DYNLL2: variants seen among roughly 807,000 people sequenced by gnomAD.
DYNLL2 encodes dynein light chain 2, cytoplasmic.
Under a neutral mutation model 9.7 loss-of-function variants are expected in DYNLL2, and 1 was observed. The observed-to-expected ratio is 0.10, with a 90% CI of 0.04 to 0.49. The LOEUF is 0.49. Among genes scored for constraint, DYNLL2 ranks in the 20% least tolerant of loss-of-function variants. The pLI, the probability that DYNLL2 is intolerant of heterozygous loss-of-function variation, is 0.95. For synonymous variants in DYNLL2, 35 were observed against 40.5 expected (o/e 0.86, Z 0.52); for missense variants, 37 against 115.2 (o/e 0.32, Z 3.11).
intron 1 of DYNLL2, among the ~76,000 whole-genome samples, chr17:58,086,357 A>G (rs2075760016): frequency 1.3e-5 from 2 of 152,216 alleles, no homozygotes; most frequent in African/African-American, 4.8e-5. Flanking sequence ...GCAACACTTT[A>G]TTTTACAAAA....
At chr17:58,089,002 G>A in intron 2 of DYNLL2, 140 bp from the exon 3 acceptor site, 1 of 997,976 alleles carries the variant, frequency 1.0e-6, no homozygotes, top group East Asian at 2.5e-5. Flanking sequence ...GAGGTTCGGG[G>A]AGCTGAGGCT....
rs1313058607 is a variant in DYNLL2, at chr17:58,089,347, T to C, written c.*68T>C. The C allele has an allele frequency of 4.4e-6, 7 of 1,581,044 alleles. No individual in the cohort carries two copies. The highest frequency in any genetic ancestry group is 6.0e-6 in the Non-Finnish European group (7 of 1,159,960). On this transcript the variant is annotated 3_prime_UTR_variant, in exon 3 of 3. Coordinates refer to ENST00000579991, the MANE Select transcript of DYNLL2 (RefSeq NM_080677.3). ...AGCAGGCGGCGTTGCTGGGACTGTT[T>C]TGCACTGGAGCCAGCATCAGGATGT... is the stretch of plus-strand genomic sequence containing the variant.
rs2143604019 is a variant in DYNLL2 at position 58,093,277 on chromosome 17, A to G, written c.*3998A>G. On this transcript the variant is annotated 3_prime_UTR_variant, in exon 3 of 3. Coordinates refer to ENST00000579991, the MANE Select transcript of DYNLL2 (RefSeq NM_080677.3). The stretch of plus-strand genomic sequence containing the variant: ...AAGCCTTGCCACCTTGAAAGGCGTG[A>G]GAGGGTCACTCCCAGGTGTATTCAA... The G allele has an allele frequency of 6.6e-6, 1 of 152,330 alleles. No homozygotes were observed. Among genetic ancestry groups the G allele is most frequent in the Non-Finnish European group, 1.5e-5 (1 of 68,032 alleles). The allele number at this position is 152,330 out of a possible 1,614,324, so 9.4% of individuals were successfully genotyped here.
intron 2 of DYNLL2, among the ~76,000 whole-genome samples, chr17:58,087,544 C>T (rs1322640237): frequency 2.0e-5 from 3 of 152,048 alleles, no homozygotes; most frequent in African/African-American, 7.2e-5. Context: ...TGGCCCAGTT[C>T]AGAACTATTC....
chr17:58,087,638 T>G (rs2075765085), intron 2 of DYNLL2, among the ~76,000 whole-genome samples: 1 of 152,230 alleles, frequency 6.6e-6, no homozygotes, highest in Admixed American at 6.5e-5. Flanking sequence ...ATGCCTGTAA[T>G]AATCCTCATC....
intron 2 of DYNLL2, 23 bp downstream of exon 2, chr17:58,087,245 G>T: frequency 6.2e-7 from 1 of 1,611,772 alleles, no homozygotes. Flanking sequence ...AGCTGGGACT[G>T]ATGGCCAGGG....
chr17:58,087,906 C>T (rs369998426), intron 2 of DYNLL2, among the ~76,000 whole-genome samples: 2 of 152,280 alleles, frequency 1.3e-5, no homozygotes, highest in Admixed American at 6.5e-5. Flanking sequence ...AGTCAGGATC[C>T]ATATCCATTG....
rs182607360 is a variant in DYNLL2 at position 58,084,146 on chromosome 17, C to T, written c.-10+463C>T. On this transcript the variant is annotated intron_variant, in intron 1 of 2. Transcript: ENST00000579991. ...CTGTTCCAGGCCGGGTGGGGGAGGGCGGCCGACCGGCCGGGGCCTGCGGAC... is the reference window on the plus strand; with the variant it reads ...CTGTTCCAGGCCGGGTGGGGGAGGGTGGCCGACCGGCCGGGGCCTGCGGAC... Among the ~76,000 whole-genome samples the T allele has an allele frequency of 4.3e-3, 651 of 150,694 alleles. 1 individual carries two copies. The highest frequency in any genetic ancestry group is 7.6e-3 in the Non-Finnish European group (515 of 67,530).
chr17:58,085,827 A>G (rs1339623852), intron 1 of DYNLL2, among the ~76,000 whole-genome samples: 1 of 152,178 alleles, frequency 6.6e-6, no homozygotes, highest in African/African-American at 2.4e-5. Context: ...TAGGGGAAGG[A>G]AGGCTTCAGC....
In DYNLL2 at chr17:58,090,724, G is replaced by A. The variant is rs1448134379; in HGVS notation, c.*1445G>A. The A allele has an allele frequency of 1.4e-5, 2 of 138,026 alleles. No homozygotes were observed. Among genetic ancestry groups the A allele is most frequent in the East Asian group, 5.0e-4 (2 of 4,004 alleles). The allele number at this position is 138,026 out of a possible 1,614,324, so 8.6% of individuals were successfully genotyped here. On this transcript the variant is annotated 3_prime_UTR_variant, in exon 3 of 3. Transcript: ENST00000579991. ...CTGAGGAGGATGCAGGGGAAATCTT[G>A]TCTGTTAATGAAATAGGAGTGGGGT... is the stretch of plus-strand genomic sequence containing the variant.
Position 58,094,106 on chromosome 17 carries a change from GA to G in DYNLL2, c.*4828del, listed in dbSNP as rs1490820886. ...GGACACTGCTGTTTTGGGCTTTCTAGAGAGAATGCAAACATGCAAAAACAGT... is the reference window on the plus strand; with the variant it reads ...GGACACTGCTGTTTTGGGCTTTCTAGGAGAATGCAAACATGCAAAAACAGT... On this transcript the variant is annotated 3_prime_UTR_variant, in exon 3 of 3. Coordinates refer to ENST00000579991, the MANE Select transcript of DYNLL2 (RefSeq NM_080677.3). 1 of 152,212 alleles carries G rather than the reference GA, an allele frequency of 6.6e-6. No homozygotes were observed. Among genetic ancestry groups the G allele is most frequent in the African/African-American group, 2.4e-5 (1 of 41,452 alleles). 9.4% of individuals were successfully genotyped at this position (152,212 alleles called of 1,614,324 possible).
chr17:58,086,161 G>C (rs957229420), intron 1 of DYNLL2, among the ~76,000 whole-genome samples: 1 of 152,198 alleles, frequency 6.6e-6, no homozygotes. Context: ...TCAGCCTGGA[G>C]TACTTGAGAG....
At chr17:58,086,676 T>C (rs778696511) in intron 1 of DYNLL2, among the ~76,000 whole-genome samples, 28 of 152,176 alleles carry the variant, frequency 1.8e-4, no homozygotes, top group Admixed American at 5.2e-4. Flanking sequence ...GGACACCTGG[T>C]TTATTCTCAG....
intron 2 of DYNLL2, among the ~76,000 whole-genome samples, chr17:58,087,523 T>A (rs2075764683): frequency 6.6e-6 from 1 of 152,172 alleles, no homozygotes; most frequent in Admixed American, 6.5e-5. Context: ...AACTTCAGAA[T>A]TAAATATTTC....
At position 58,089,637 on chromosome 17, in the gene DYNLL2, A is replaced by G. The variant is rs921016652; in HGVS notation, c.*358A>G. Reference sequence around the variant, plus strand: ...CCGAAAGACTAGGAGGGCTGAGGAAAAGAAATAGGTCTCTGGAGGTGGAAC... The same window carrying G: ...CCGAAAGACTAGGAGGGCTGAGGAAGAGAAATAGGTCTCTGGAGGTGGAAC... On this transcript the variant is annotated 3_prime_UTR_variant, in exon 3 of 3. Transcript: ENST00000579991. 1.9e-5 allele frequency: 8 copies of G among 418,350 alleles called. No homozygotes were observed. Among genetic ancestry groups the G allele is most frequent in the African/African-American group, 1.6e-4 (8 of 48,774 alleles). 25.9% of individuals were successfully genotyped at this position (418,350 alleles called of 1,614,324 possible). A position where few individuals can be genotyped will look rare whatever the true frequency, so the allele number is the denominator to read the frequency against.
rs2075773976 is a variant in DYNLL2, at chr17:58,089,884, G to T, written c.*605G>T. On this transcript the variant is annotated 3_prime_UTR_variant, in exon 3 of 3. Transcript: ENST00000579991. ...TCTTTAGGGGCCCTGAGATGTGTTTGTCTGTGGTGTGTGGGAGTGGGGAGC... is the reference window on the plus strand; with the variant it reads ...TCTTTAGGGGCCCTGAGATGTGTTTTTCTGTGGTGTGTGGGAGTGGGGAGC... 5.0e-6 allele frequency: 2 copies of T among 398,680 alleles called. No homozygotes were observed. The highest frequency in any genetic ancestry group is 8.8e-6 in the Non-Finnish European group (2 of 226,232). 24.7% of individuals were successfully genotyped at this position (398,680 alleles called of 1,614,324 possible). A position where few individuals can be genotyped will look rare whatever the true frequency, so the allele number is the denominator to read the frequency against.
At position 58,093,096 on chromosome 17, in the gene DYNLL2, G is replaced by T. The variant is rs143473775; in HGVS notation, c.*3817G>T. The T allele has an allele frequency of 1.3e-5, 2 of 152,370 alleles. No individual in the cohort carries two copies. The highest frequency in any genetic ancestry group is 4.8e-5 in the African/African-American group (2 of 41,582). 9.4% of individuals were successfully genotyped at this position (152,370 alleles called of 1,614,324 possible). A position where few individuals can be genotyped will look rare whatever the true frequency, so the allele number is the denominator to read the frequency against. ...TTAACTGCTTATCTTCAAGTAAACA[G>T]AACAGTGCCTGTCCTGTAGGAAGTG... On this transcript the variant is annotated 3_prime_UTR_variant, in exon 3 of 3. Coordinates refer to ENST00000579991, the MANE Select transcript of DYNLL2 (RefSeq NM_080677.3).
chr17:58,089,309 G>T lies in DYNLL2; in HGVS notation c.*30G>T. ...CCATGGTGAAGGTGTCAGTGGCGGC[G>T]GCAGCGATGGCAAGCAGGCGGCGTT... On this transcript the variant is annotated 3_prime_UTR_variant, in exon 3 of 3. Coordinates refer to ENST00000579991, the MANE Select transcript of DYNLL2 (RefSeq NM_080677.3). The T allele has an allele frequency of 1.9e-6, 3 of 1,606,534 alleles. No individual in the cohort carries two copies. Among genetic ancestry groups the T allele is most frequent in the Non-Finnish European group, 2.6e-6 (3 of 1,175,814 alleles).
Position 58,083,456 on chromosome 17 carries a change from GGAGC to G in DYNLL2, c.-235_-232del, listed in dbSNP as rs1335285956. The G allele has an allele frequency of 9.8e-5, 11 of 112,044 alleles. No homozygotes were observed. The highest frequency in any genetic ancestry group is 3.5e-4 in the African/African-American group (11 of 31,668). The allele number at this position is 112,044 out of a possible 1,614,324, so 6.9% of individuals were successfully genotyped here. A position where few individuals can be genotyped will look rare whatever the true frequency, so the allele number is the denominator to read the frequency against. Reference sequence around the variant, plus strand: ...GAGCGGAGCTGTGAGGCGCCAGTGCGGAGCGGGCGGGCGGGCGGGCGGCGTGAGG... The same window carrying G: ...GAGCGGAGCTGTGAGGCGCCAGTGCGGGGCGGGCGGGCGGGCGGCGTGAGG... On this transcript the variant is annotated 5_prime_UTR_variant, in exon 1 of 3. Transcript: ENST00000579991.
Sources: allele counts gnomAD v4.1 joint callset (sites outside exome capture counted in the v4.1 genomes callset), GRCh38; gene constraint gnomAD v4.1.1; transcripts MANE v1.5; gene names NCBI Gene and HGNC (gene_info 2026-07-23, HGNC 2026-07-21).